ARHGAP15: variants seen among roughly 807,000 people sequenced by gnomAD.
The protein encoded by ARHGAP15 is rho GTPase-activating protein 15.
In ARHGAP15, 51 loss-of-function variants were observed where a neutral mutation model predicts 63.7. That is an observed-to-expected ratio of 0.80 (90% confidence interval 0.64 to 1.01). The LOEUF is 1.01. Among genes scored for constraint, ARHGAP15 ranks in the 50% least tolerant of loss-of-function variants. The pLI is 0.00. For missense variants in ARHGAP15, 560 were observed against 564.6 expected, an observed-to-expected ratio of 0.99 and a Z score of 0.08; for synonymous variants, 191 against 193.8, an observed-to-expected ratio of 0.99 and a Z score of 0.12.
intron 2 of ARHGAP15, among the ~76,000 whole-genome samples, chr2:143,160,983 A>T (rs994511011): frequency 6.6e-6 from 1 of 152,020 alleles, no homozygotes; most frequent in Non-Finnish European, 1.5e-5. Flanking sequence ...TACTGATAGA[A>T]CATGGTGCTG....
rs571098538 is a variant in ARHGAP15, at chr2:143,649,355, G to A, written c.1138+25088G>A. Among the ~76,000 whole-genome samples the A allele has an allele frequency of 1.3e-4, 20 of 152,092 alleles. No individual in the cohort carries two copies. The South Asian group carries it at 4.1e-3, about 32-fold the overall frequency. On this transcript the variant is annotated intron_variant, in intron 12 of 13. Transcript: ENST00000295095. Reference sequence around the variant, plus strand: ...AAACTGACATCTCAGTCCCTGGTTAGGAAGTAAATATGGAAGTGCAAAATG... The same window carrying A: ...AAACTGACATCTCAGTCCCTGGTTAAGAAGTAAATATGGAAGTGCAAAATG...
intron 7 of ARHGAP15, among the ~76,000 whole-genome samples, chr2:143,436,199 CA>C (rs1188406640): frequency 3.3e-5 from 5 of 152,212 alleles, no homozygotes; most frequent in African/African-American, 1.2e-4. Context: ...AACATACATT[CA>C]GAGTATGTTT....
intron 13 of ARHGAP15, among the ~76,000 whole-genome samples, chr2:143,749,755 TTATTA>T (rs1286029793): frequency 6.6e-6 from 1 of 152,242 alleles, no homozygotes; most frequent in Non-Finnish European, 1.5e-5. Context: ...TTTATCTCTA[TTATTA>T]TATTTTATGA....
rs528798040 is a variant in ARHGAP15, at chr2:143,155,657, T to A, written c.165+2T>A. On this transcript the variant is annotated splice_donor_variant, in intron 2 of 13. Coordinates refer to ENST00000295095, the MANE Select transcript of ARHGAP15 (RefSeq NM_018460.4). LOFTEE classifies it high-confidence loss of function. ...GATGTCGGGAAGGTCACTGAACCTG[T>A]AAGTCAAATACCCCAAATATCCCAA... 2 of 1,553,490 alleles carry A rather than the reference T, an allele frequency of 1.3e-6. No individual in the cohort carries two copies. The highest frequency in any genetic ancestry group is 2.8e-5 in the African/African-American group (2 of 71,182).
At chr2:143,456,662 AAC>A (rs1690669128) in intron 8 of ARHGAP15, among the ~76,000 whole-genome samples, 2 of 152,070 alleles carry the variant, frequency 1.3e-5, no homozygotes, top group South Asian at 4.1e-4. Context: ...CAGAGGAGGA[AAC>A]ACAGATATTT....
At chr2:143,407,991 A>G (rs13420179) in intron 6 of ARHGAP15, among the ~76,000 whole-genome samples, 3,732 of 24,412 alleles carry the variant, frequency 0.15, 165 homozygotes, top group Non-Finnish European at 0.21. Flanking sequence ...GTGTGTGTAT[A>G]TATATATATA....
At chr2:143,408,588 A>C (rs922109041) in intron 6 of ARHGAP15, among the ~76,000 whole-genome samples, 1 of 151,862 alleles carries the variant, frequency 6.6e-6, no homozygotes, top group African/African-American at 2.4e-5. Context: ...CATTTTTGCC[A>C]AAGGTGATTT....
intron 2 of ARHGAP15, among the ~76,000 whole-genome samples, chr2:143,196,124 C>T (rs1691877066): frequency 6.6e-6 from 1 of 152,016 alleles, no homozygotes; most frequent in Non-Finnish European, 1.5e-5. Flanking sequence ...GGAAAATACG[C>T]ATTATATATT....
chr2:143,254,149 G>T (rs1449330846), intron 6 of ARHGAP15, among the ~76,000 whole-genome samples: 1 of 152,054 alleles, frequency 6.6e-6, no homozygotes, highest in Admixed American at 6.6e-5. Flanking sequence ...TTGCTCTTTG[G>T]TGTTTAGCCT....
chr2:143,720,221 C>T (rs1684987822), intron 13 of ARHGAP15, among the ~76,000 whole-genome samples: 1 of 152,134 alleles, frequency 6.6e-6, no homozygotes, highest in Non-Finnish European at 1.5e-5. Flanking sequence ...AGCTAATTAG[C>T]AGTCTGTAGC....
chr2:143,688,918 G>GTA (rs1683470792), intron 12 of ARHGAP15, among the ~76,000 whole-genome samples: 1 of 152,078 alleles, frequency 6.6e-6, no homozygotes, highest in South Asian at 2.1e-4. Context: ...TATCAAGATA[G>GTA]TATACCACCT....
chr2:143,534,309 T>C (rs116022587), intron 10 of ARHGAP15, among the ~76,000 whole-genome samples: 2,157 of 152,302 alleles, frequency 0.014, 54 homozygotes, highest in African/African-American at 0.051. Context: ...TCTCCAGCCA[T>C]GCTGAACTGT....
At chr2:143,447,350 G>A (rs1265814557) in intron 8 of ARHGAP15, among the ~76,000 whole-genome samples, 1 of 152,066 alleles carries the variant, frequency 6.6e-6, no homozygotes, top group Non-Finnish European at 1.5e-5. Flanking sequence ...TAAAAAGATG[G>A]GTTTTGTTGA....
intron 12 of ARHGAP15, among the ~76,000 whole-genome samples, chr2:143,673,136 T>G (rs866361041): frequency 6.6e-6 from 1 of 151,978 alleles, no homozygotes; most frequent in South Asian, 2.1e-4. Context: ...GGTAATAAAT[T>G]AAAAAAAAGA....
chr2:143,472,788 TTTAA>T (rs1380561475), intron 8 of ARHGAP15, among the ~76,000 whole-genome samples: 1 of 152,168 alleles, frequency 6.6e-6, no homozygotes, highest in Non-Finnish European at 1.5e-5. Flanking sequence ...CATCATAGTA[TTTAA>T]TCCTTGCAAC....
At chr2:143,150,940 G>A (rs1158428935) in intron 1 of ARHGAP15, among the ~76,000 whole-genome samples, 1 of 152,012 alleles carries the variant, frequency 6.6e-6, no homozygotes, top group Non-Finnish European at 1.5e-5. Context: ...ATAGAAATAA[G>A]CATAAGCAAA....
At chr2:143,515,463 T>C (rs1477959365) in intron 9 of ARHGAP15, among the ~76,000 whole-genome samples, 1 of 152,216 alleles carries the variant, frequency 6.6e-6, no homozygotes, top group East Asian at 1.9e-4. Context: ...CTGCTGTTCT[T>C]AGCACTCATT....
intron 5 of ARHGAP15, among the ~76,000 whole-genome samples, chr2:143,249,752 A>G (rs569918431): frequency 2.6e-5 from 4 of 152,252 alleles, no homozygotes; most frequent in Admixed American, 2.6e-4. Context: ...ATTCCTATTG[A>G]TTATTGTGAA....
intron 13 of ARHGAP15, among the ~76,000 whole-genome samples, chr2:143,736,961 A>G (rs1037167618): frequency 6.6e-6 from 1 of 152,236 alleles, no homozygotes; most frequent in African/African-American, 2.4e-5. Flanking sequence ...CTCTCCAAAG[A>G]AAGTGTTTGC....
Sources: gnomAD v4.1 joint callset for allele counts (sites outside exome capture counted in the v4.1 genomes callset) on GRCh38, gnomAD v4.1.1 for gene constraint, MANE v1.5 for transcripts, NCBI Gene and HGNC (gene_info 2026-07-23, HGNC 2026-07-21) for gene names.